CRYM: variants seen among roughly 807,000 people sequenced by gnomAD.
CRYM encodes the protein ketimine reductase mu-crystallin.
CRYM carries 18 observed loss-of-function variants against 32.9 expected under a neutral mutation model. The observed-to-expected ratio is 0.55, with a 90% CI of 0.38 to 0.81. CRYM has a LOEUF of 0.81. Among genes scored for constraint, CRYM ranks in the 30% least tolerant of loss-of-function variants. The probability of loss-of-function intolerance (pLI) is 0.00; values close to 1 mark genes in which losing one functional copy is unlikely to be tolerated. For synonymous variants in CRYM, 153 were observed against 152.4 expected (o/e 1.00, Z -0.03); for missense variants, 337 against 393.5 (o/e 0.86, Z 1.21).
At chr16:21,293,433 A>T (rs1259144829) in intron 1 of CRYM, among the ~76,000 whole-genome samples, 2 of 152,218 alleles carry the variant, frequency 1.3e-5, no homozygotes, top group African/African-American at 4.8e-5. Context: ...CAGTGGCAAC[A>T]GCGGTAGATC....
chr16:21,288,753 A>G (rs997706631), intron 1 of CRYM, among the ~76,000 whole-genome samples: 5 of 152,186 alleles, frequency 3.3e-5, no homozygotes, highest in Non-Finnish European at 7.4e-5. Context: ...TGAAAAAACT[A>G]AACTGCTTTT....
At chr16:21,293,761 T>C (rs1960721777) in intron 1 of CRYM, among the ~76,000 whole-genome samples, 1 of 152,202 alleles carries the variant, frequency 6.6e-6, no homozygotes, top group Non-Finnish European at 1.5e-5. Flanking sequence ...TGCACTTCAC[T>C]GTATTAATAG....
rs1597629616 is a variant in CRYM at position 21,292,018 on chromosome 16, T to C, written c.-193+10960A>G. Among the ~76,000 whole-genome samples the C allele has an allele frequency of 2.0e-5, 3 of 152,268 alleles. No individual in the cohort carries two copies. In the East Asian group the frequency reaches 5.8e-4, roughly 29 times the overall value. ...ACAAAAGCTTGATTGGATGTCTTCT[T>C]CTAGAAGTTTTACTTAAGAGAAATG... On this transcript the variant is annotated intron_variant, in intron 1 of 9. Coordinates refer to the CRYM transcript ENST00000219599.
intron 5 of CRYM, chr16:21,262,444 C>A: frequency 2.7e-6 from 1 of 370,920 alleles, no homozygotes; most frequent in Non-Finnish European, 5.2e-6. Flanking sequence ...ATGGTGAAAC[C>A]CTGTGTCTAC....
upstream of CRYM, among the ~76,000 whole-genome samples, chr16:21,282,881 A>C (rs1209789283): frequency 1.3e-5 from 2 of 152,164 alleles, no homozygotes; most frequent in African/African-American, 2.4e-5. Context: ...AGTATTATTA[A>C]TAAGTAGCAT....
intron 2 of CRYM, 111 bp from the exon 3 acceptor site, chr16:21,275,705 G>A (rs2093384829): frequency 4.7e-6 from 4 of 856,250 alleles, no homozygotes; most frequent in Non-Finnish European, 7.7e-6. Flanking sequence ...CCTACAAACA[G>A]CATGGGTTTG....
At chr16:21,262,342 G>A in intron 5 of CRYM, 184 bp from the exon 6 acceptor site, 1 of 640,534 alleles carries the variant, frequency 1.6e-6, no homozygotes, top group Non-Finnish European at 2.7e-6. Context: ...AATAGGCCAG[G>A]TGTGGTGGCT....
chr16:21,292,423 A>G (rs1271167231), intron 1 of CRYM, among the ~76,000 whole-genome samples: 1 of 152,158 alleles, frequency 6.6e-6, no homozygotes, highest in Non-Finnish European at 1.5e-5. Flanking sequence ...ATTAAAGATG[A>G]CTTGAGATAA....
intron 5 of CRYM, 38 bp from the exon 6 acceptor site, chr16:21,262,196 G>T (rs1404961453): frequency 3.1e-6 from 5 of 1,613,250 alleles, no homozygotes; most frequent in Non-Finnish European, 4.2e-6. Context: ...CCCAGGATTA[G>T]TGCCAAAGGC....
At chr16:21,287,089 C>CAAA (rs71151633) in intron 1 of CRYM, among the ~76,000 whole-genome samples, 1 of 113,300 alleles carries the variant, frequency 8.8e-6, no homozygotes, top group African/African-American at 3.1e-5. Flanking sequence ...GACTCCGTCT[C>CAAA]AAAAAAAAAA....
chr16:21,298,133 G>A (rs867862766), intron 1 of CRYM, among the ~76,000 whole-genome samples: 1 of 152,170 alleles, frequency 6.6e-6, no homozygotes, highest in Admixed American at 6.5e-5. Flanking sequence ...TCAGAGAACT[G>A]ATAGGTTAAA....
intron 5 of CRYM, 94 bp downstream of exon 5, chr16:21,267,460 T>C: frequency 7.6e-7 from 1 of 1,318,794 alleles, no homozygotes. Flanking sequence ...GCATTCTGCA[T>C]GAATAAACTG....
At chr16:21,299,724 A>G (rs1960864325) in intron 1 of CRYM, among the ~76,000 whole-genome samples, 1 of 152,228 alleles carries the variant, frequency 6.6e-6, no homozygotes, top group Non-Finnish European at 1.5e-5. Context: ...CATGAGGAAT[A>G]AATCTGCCGA....
chr16:21,300,895 T>G (rs1960901127), intron 1 of CRYM: 1 of 152,128 alleles, frequency 6.6e-6, no homozygotes, highest in South Asian at 2.1e-4. Flanking sequence ...TTATAGAACG[T>G]GGGGAGCATG....
chr16:21,290,772 T>C (rs1960628467), intron 1 of CRYM, among the ~76,000 whole-genome samples: 1 of 152,244 alleles, frequency 6.6e-6, no homozygotes. Flanking sequence ...AGTTTGTTTC[T>C]CTGAGGATGT....
upstream of CRYM, among the ~76,000 whole-genome samples, chr16:21,282,804 C>T (rs1403524549): frequency 6.6e-6 from 1 of 152,114 alleles, no homozygotes; most frequent in East Asian, 1.9e-4. Context: ...GAAAACTAGT[C>T]TTGGTTGCAT....
At chr16:21,267,062 G>T (rs1228511085) in intron 5 of CRYM, among the ~76,000 whole-genome samples, 1 of 152,010 alleles carries the variant, frequency 6.6e-6, no homozygotes, top group Non-Finnish European at 1.5e-5. Context: ...TTAGTTTCAG[G>T]TTTGTAATTT....
At chr16:21,269,976 C>T (rs2093371896) in intron 3 of CRYM, 85 bp from the exon 4 acceptor site, 1 of 884,838 alleles carries the variant, frequency 1.1e-6, no homozygotes, top group Non-Finnish European at 1.9e-6. Context: ...TATCAGGTGA[C>T]TTCTGCCCTC....
At chr16:21,269,145 A>C (rs1191119878) in intron 4 of CRYM, among the ~76,000 whole-genome samples, 1 of 74,516 alleles carries the variant, frequency 1.3e-5, no homozygotes, top group Non-Finnish European at 2.6e-5. Flanking sequence ...CTCCATTTCA[A>C]AAAAAAAAAA....
Sources: allele counts gnomAD v4.1 joint callset (sites outside exome capture counted in the v4.1 genomes callset), GRCh38; gene constraint gnomAD v4.1.1; transcripts MANE v1.5; gene names NCBI Gene and HGNC (gene_info 2026-07-23, HGNC 2026-07-21).